The following PDE10A variants were observed in gnomAD, a reference collection of about 807,000 sequenced individuals.
The protein encoded by PDE10A is phosphodiesterase 10A.
In PDE10A, 39 loss-of-function variants were observed where a neutral mutation model predicts 97.7. That is an observed-to-expected ratio of 0.40 (90% CI 0.31 to 0.52). PDE10A has a LOEUF of 0.52. Among genes scored for constraint, PDE10A ranks in the 20% least tolerant of loss-of-function variants. The pLI, the probability that PDE10A is intolerant of heterozygous loss-of-function variation, is 0.56. For missense variants in PDE10A, 731 were observed against 1,047.8 expected, an observed-to-expected ratio of 0.70 and a Z score of 4.17; for synonymous variants, 371 against 376.8, an observed-to-expected ratio of 0.98 and a Z score of 0.18.
chr6:165,511,537 A>G (rs1378046355), intron 2 of PDE10A, among the ~76,000 whole-genome samples: 2 of 152,020 alleles, frequency 1.3e-5, no homozygotes, highest in East Asian at 3.8e-4. Flanking sequence ...CAGCTGATCC[A>G]AACACCAGTT....
chr6:165,883,624 A>C (rs1267959664), intron 1 of PDE10A, among the ~76,000 whole-genome samples: 2 of 152,040 alleles, frequency 1.3e-5, no homozygotes, highest in African/African-American at 4.8e-5. Flanking sequence ...TGGAAACCTT[A>C]TGTGCATTCA....
chr6:165,878,777 A>T (rs751871209), intron 1 of PDE10A, among the ~76,000 whole-genome samples: 8 of 152,204 alleles, frequency 5.3e-5, no homozygotes, highest in South Asian at 2.1e-4. Flanking sequence ...GTCAAGGCAG[A>T]TAAGGGAGAT....
At chr6:165,587,825 G>C (rs994918786) in intron 1 of PDE10A, among the ~76,000 whole-genome samples, 5 of 152,078 alleles carry the variant, frequency 3.3e-5, no homozygotes, top group African/African-American at 1.2e-4. Context: ...GCAAACCACA[G>C]AGGTTAAATG....
chr6:165,790,392 T>C lies in PDE10A; in HGVS notation c.-615+197137A>G, dbSNP rs539503877. Among the ~76,000 whole-genome samples the C allele has an allele frequency of 9.8e-5, 15 of 152,332 alleles. No individual in the cohort carries two copies. In the South Asian group the frequency reaches 2.7e-3, roughly 27 times the overall value. ...ATGCCCTGAAAACAGCGGTGCTCTG[T>C]TTGCACACTTCTCTGGGGGAGGAAG... On this transcript the variant is annotated intron_variant, in intron 1 of 19. Transcript: ENST00000366882.
At chr6:165,638,183 C>A (rs1027546912) in intron 1 of PDE10A, among the ~76,000 whole-genome samples, 4 of 152,096 alleles carry the variant, frequency 2.6e-5, no homozygotes, top group Non-Finnish European at 5.9e-5. Context: ...CACCACCCTC[C>A]CCCCACCAAA....
At chr6:165,850,921 A>G (rs149257502) in intron 1 of PDE10A, among the ~76,000 whole-genome samples, 1 of 152,344 alleles carries the variant, frequency 6.6e-6, no homozygotes, top group African/African-American at 2.4e-5. Flanking sequence ...TAAAAGCAAA[A>G]ACCAAAAGTA....
chr6:165,684,054 CA>C (rs1562683013), intron 1 of PDE10A, among the ~76,000 whole-genome samples: 1 of 152,116 alleles, frequency 6.6e-6, no homozygotes, highest in Non-Finnish European at 1.5e-5. Context: ...AGATTTTTCT[CA>C]AAACTCATGT....
rs1781105573 is a variant in PDE10A at position 165,327,404 on chromosome 6, A to G, written c.*5621T>C. 1 of 152,234 alleles carries G rather than the reference A, an allele frequency of 6.6e-6. No individual in the cohort carries two copies. The highest frequency in any genetic ancestry group is 2.1e-4 in the South Asian group (1 of 4,836). 9.4% of individuals were successfully genotyped at this position (152,234 alleles called of 1,614,324 possible). A position where few individuals can be genotyped will look rare whatever the true frequency, so the allele number is the denominator to read the frequency against. ...ATATATATTTTATGTGTATAATTAC[A>G]TATCAACAAAAGAATTCTTGCTGCT... On this transcript the variant is annotated 3_prime_UTR_variant, in exon 22 of 22. Coordinates refer to ENST00000539869, the MANE Select transcript of PDE10A (RefSeq NM_001385079.1).
rs1783136059 is a variant in PDE10A at position 165,931,606 on chromosome 6, T to C, written c.-615+55923A>G. Reference sequence around the variant, plus strand: ...GCAGGTGTTTAAGGTTTTGAAATGCTTTTCTATGGGCAGCACCAGTTCCTT... The same window carrying C: ...GCAGGTGTTTAAGGTTTTGAAATGCCTTTCTATGGGCAGCACCAGTTCCTT... On this transcript the variant is annotated intron_variant, in intron 1 of 19. Transcript: ENST00000366882. 3.3e-5 allele frequency among the ~76,000 whole-genome samples: 5 copies of C among 152,238 alleles called. No homozygotes were observed. The South Asian group carries it at 1.0e-3, about 32-fold the overall frequency.
intron 18 of PDE10A, among the ~76,000 whole-genome samples, chr6:165,376,175 T>G (rs1200656209): frequency 6.6e-6 from 1 of 152,180 alleles, no homozygotes; most frequent in African/African-American, 2.4e-5. Context: ...TTGAAAACCT[T>G]TTGGAAAAGA....
intron 1 of PDE10A, among the ~76,000 whole-genome samples, chr6:165,770,272 A>C (rs543191875): frequency 6.6e-6 from 1 of 152,156 alleles, no homozygotes; most frequent in East Asian, 1.9e-4. Flanking sequence ...CACATTTCCC[A>C]GTACTCTGCA....
chr6:165,809,788 A>T (rs1562747838), intron 1 of PDE10A, among the ~76,000 whole-genome samples: 1 of 152,320 alleles, frequency 6.6e-6, no homozygotes, highest in East Asian at 1.9e-4. Context: ...CATGGAAGGC[A>T]TATTAGCATC....
chr6:165,735,001 GTAGGTAGGTAGATAGGTAGGTAGT>G (rs920462253), intron 1 of PDE10A, among the ~76,000 whole-genome samples: 15 of 145,674 alleles, frequency 1.0e-4, no homozygotes, highest in African/African-American at 4.2e-4. Flanking sequence ...TAGTAGGTAG[GTAGGTAGGTAGATAGGTAGGTAGT>G]TAGGTAGGTA....
Position 165,662,522 on chromosome 6 carries a change from C to T in PDE10A, c.290G>A (p.Arg97His), listed in dbSNP as rs1790335926. Residue 97 changes from arginine to histidine, a missense_variant, in exon 1 of 22, where the codon CGC (arginine) becomes CAC (histidine). Arg to His is a conservative substitution (Grantham distance 29, BLOSUM62 0). Coordinates refer to ENST00000539869, the MANE Select transcript of PDE10A (RefSeq NM_001385079.1). The stretch of plus-strand genomic sequence containing the variant: ...CGAGAAGGCGAGCGCCAAGGGAGCG[C>T]GGGCCGCGACCCAGCCGCAGCCGCC... ...RGGGCGWVAA[R>H]APLALAFSSR... The T allele has an allele frequency of 6.8e-6, 1 of 147,614 alleles. No individual in the cohort carries two copies. 9.1% of individuals were successfully genotyped at this position (147,614 alleles called of 1,614,324 possible). A position where few individuals can be genotyped will look rare whatever the true frequency, so the allele number is the denominator to read the frequency against.
At chr6:165,389,103 A>G (rs1785499328) in intron 16 of PDE10A, among the ~76,000 whole-genome samples, 1 of 152,100 alleles carries the variant, frequency 6.6e-6, no homozygotes, top group African/African-American at 2.4e-5. Context: ...CATAAACTTG[A>G]AGGCGAGTGT....
intron 1 of PDE10A, among the ~76,000 whole-genome samples, chr6:165,603,395 T>C (rs12215013): frequency 0.12 from 18,366 of 152,224 alleles, 1,143 homozygotes; most frequent in Non-Finnish European, 0.14. Flanking sequence ...AGTGAAAACA[T>C]AGAATCACAG....
At chr6:165,925,273 T>C (rs922985059) in intron 1 of PDE10A, among the ~76,000 whole-genome samples, 2 of 151,792 alleles carry the variant, frequency 1.3e-5, no homozygotes, top group African/African-American at 4.8e-5. Context: ...GAAGAGAAAC[T>C]AGATCACTCG....
chr6:165,452,891 T>A, intron 3 of PDE10A, among the ~76,000 whole-genome samples: 1 of 137,800 alleles, frequency 7.3e-6, no homozygotes. Flanking sequence ...GAAATTCTGG[T>A]GAGGGTTTAG....
chr6:165,821,564 G>T (rs577729500), intron 1 of PDE10A, among the ~76,000 whole-genome samples: 4 of 152,164 alleles, frequency 2.6e-5, no homozygotes, highest in Admixed American at 6.5e-5. Flanking sequence ...CTCCAGGCGG[G>T]AGTGCAGTGG....
Sources: gnomAD v4.1 joint callset for allele counts (sites outside exome capture counted in the v4.1 genomes callset) on GRCh38, gnomAD v4.1.1 for gene constraint, MANE v1.5 for transcripts, NCBI Gene and HGNC (gene_info 2026-07-23, HGNC 2026-07-21) for gene names.